Variants in TRAF3 observed in about 807,000 individuals in gnomAD.
The protein encoded by TRAF3 is TNF receptor-associated factor 3.
A neutral mutation model predicts 62.3 loss-of-function variants in TRAF3; 13 were observed. The ratio of observed to expected loss-of-function variants is 0.21; its 90% CI spans 0.14 to 0.33. TRAF3 has a LOEUF of 0.33. TRAF3 is among the 10% of genes least tolerant of loss of function. The pLI, the probability that TRAF3 is intolerant of heterozygous loss-of-function variation, is 1.00. For missense variants in TRAF3, 440 were observed against 741.8 expected (o/e 0.59, Z 4.73); for synonymous variants, 269 against 283.4 (o/e 0.95, Z 0.51).
intron 1 of TRAF3, among the ~76,000 whole-genome samples, chr14:102,779,482 C>G (rs1300962249): frequency 6.6e-6 from 1 of 152,084 alleles, no homozygotes; most frequent in Admixed American, 6.6e-5. Context: ...TATCCCTACT[C>G]TTGTTTGTGC....
At chr14:102,782,546 T>C (rs1897311422) in intron 1 of TRAF3, among the ~76,000 whole-genome samples, 1 of 152,126 alleles carries the variant, frequency 6.6e-6, no homozygotes, top group Non-Finnish European at 1.5e-5. Context: ...GCTCTAAAAT[T>C]TAAAAAAAGT....
chr14:102,886,678 C>T (rs1159214514), intron 7 of TRAF3, among the ~76,000 whole-genome samples: 2 of 152,050 alleles, frequency 1.3e-5, no homozygotes, highest in African/African-American at 4.8e-5. Context: ...ATCATTTGAA[C>T]CGGGGAGGCG....
chr14:102,827,988 A>G (rs1258794839), intron 1 of TRAF3, among the ~76,000 whole-genome samples: 1 of 152,242 alleles, frequency 6.6e-6, no homozygotes, highest in Non-Finnish European at 1.5e-5. Context: ...AGATGTGCAG[A>G]TTCCCGCAGG....
chr14:102,864,825 G>A (rs1157707458), intron 2 of TRAF3, among the ~76,000 whole-genome samples: 1 of 152,152 alleles, frequency 6.6e-6, no homozygotes, highest in Non-Finnish European at 1.5e-5. Context: ...GGAACCTGGG[G>A]CAGATTCGCC....
At chr14:102,778,398 C>G (rs187663223) in intron 1 of TRAF3, among the ~76,000 whole-genome samples, 28 of 152,242 alleles carry the variant, frequency 1.8e-4, no homozygotes, top group African/African-American at 6.7e-4. Flanking sequence ...GGAGATAATT[C>G]TGTGTGGAAA....
chr14:102,837,131 TGTGTGTGTGTG>T (rs370058434), intron 2 of TRAF3, among the ~76,000 whole-genome samples: 1,997 of 144,552 alleles, frequency 0.014, 23 homozygotes, highest in Middle Eastern at 0.052. Flanking sequence ...TGTGTGTGTG[TGTGTGTGTGTG>T]TTTTTTTTGG....
Position 102,903,500 on chromosome 14 carries a change from T to C in TRAF3, c.1135+71T>C. ...CGGGCGAGTGCTGGGGCGGGGTCCG[T>C]GGGATGAGGGCTATGTTAGGTACAT... On this transcript the variant is annotated intron_variant, in intron 11 of 11. Transcript: ENST00000392745. This position sits in a 1 kb window ranked among gnomAD's most constrained non-coding sequence, Gnocchi z 6.4. 1.9e-6 allele frequency: 3 copies of C among 1,601,980 alleles called. No individual in the cohort carries two copies. Among genetic ancestry groups the C allele is most frequent in the Non-Finnish European group, 1.7e-6 (2 of 1,172,698 alleles).
At chr14:102,868,624 G>A (rs1450593507) in intron 2 of TRAF3, among the ~76,000 whole-genome samples, 1 of 152,190 alleles carries the variant, frequency 6.6e-6, no homozygotes, top group Non-Finnish European at 1.5e-5. Context: ...CATTATGGAA[G>A]TGCATGGCCA....
At chr14:102,882,242 T>A (rs902132365) in intron 6 of TRAF3, among the ~76,000 whole-genome samples, 2 of 152,232 alleles carry the variant, frequency 1.3e-5, no homozygotes, top group African/African-American at 4.8e-5. Context: ...AAGCACAGAA[T>A]GATAATGAGT....
In TRAF3 at chr14:102,874,674, G is replaced by A. The variant is rs1888544588; in HGVS notation, c.298-950G>A. On this transcript the variant is annotated intron_variant, in intron 4 of 11. Coordinates refer to ENST00000392745, the MANE Select transcript of TRAF3 (RefSeq NM_145725.3). ...TCTTTTTTTTTTTTTTAAAGAAATGGGGGTCTCCCACTGTCGCCCAGTCTG... is the reference window on the plus strand; with the variant it reads ...TCTTTTTTTTTTTTTTAAAGAAATGAGGGTCTCCCACTGTCGCCCAGTCTG... 3.3e-5 allele frequency among the ~76,000 whole-genome samples: 5 copies of A among 151,266 alleles called. No individual in the cohort carries two copies. The South Asian group carries it at 1.0e-3, about 31-fold the overall frequency.
At chr14:102,825,295 A>C (rs916340129) in intron 1 of TRAF3, among the ~76,000 whole-genome samples, 3 of 152,206 alleles carry the variant, frequency 2.0e-5, no homozygotes, top group Admixed American at 6.5e-5. Flanking sequence ...AACTGGAGAC[A>C]GTAGGAAGCC....
chr14:102,792,109 T>C (rs4906264), intron 1 of TRAF3, among the ~76,000 whole-genome samples: 104,218 of 122,558 alleles, frequency 0.85, 44,726 homozygotes, highest in East Asian at 0.95. Flanking sequence ...CCACTGTGCC[T>C]GGACTTTTTT....
Position 102,890,402 on chromosome 14 carries a change from TTC to T in TRAF3, c.726+770_726+771del, listed in dbSNP as rs144578354. 7.0e-3 allele frequency among the ~76,000 whole-genome samples: 1,060 copies of T among 152,334 alleles called. 17 individuals carry two copies. Among genetic ancestry groups the T allele is most frequent in the African/African-American group, 0.024 (1,004 of 41,578 alleles). On this transcript the variant is annotated intron_variant, in intron 8 of 11. Coordinates refer to ENST00000392745, the MANE Select transcript of TRAF3 (RefSeq NM_145725.3). ...ACAGAGAGATTGGCATCTTAGTATT[TTC>T]TGAGGAAGAGAACAGCCAAAGAGTA...
At chr14:102,875,043 C>T (rs1888566965) in intron 4 of TRAF3, among the ~76,000 whole-genome samples, 1 of 152,230 alleles carries the variant, frequency 6.6e-6, no homozygotes, top group South Asian at 2.1e-4. Flanking sequence ...TTTTCAACCA[C>T]AGGCTAATGC....
intron 10 of TRAF3, among the ~76,000 whole-genome samples, chr14:102,897,861 G>A (rs1210256698): frequency 6.6e-6 from 1 of 152,234 alleles, no homozygotes; most frequent in Non-Finnish European, 1.5e-5. Flanking sequence ...AAATCCACAC[G>A]CACCTCCAGA....
intron 1 of TRAF3, among the ~76,000 whole-genome samples, chr14:102,815,708 G>A (rs1899477725): frequency 6.6e-6 from 1 of 152,214 alleles, no homozygotes; most frequent in African/African-American, 2.4e-5. Context: ...AAAGGAAAGA[G>A]GTTTAATTGA....
chr14:102,818,231 C>T (rs529943148), intron 1 of TRAF3, among the ~76,000 whole-genome samples: 1 of 152,100 alleles, frequency 6.6e-6, no homozygotes, highest in Non-Finnish European at 1.5e-5. Flanking sequence ...TGTTAGCCAA[C>T]CTTTTACAAT....
At chr14:102,828,878 C>T (rs79417094) in intron 1 of TRAF3, among the ~76,000 whole-genome samples, 323 of 151,892 alleles carry the variant, frequency 2.1e-3, no homozygotes, top group African/African-American at 7.1e-3. Flanking sequence ...AGAATATATT[C>T]ATTTCTTTAA....
chr14:102,873,452 A>G (rs1203050537), intron 4 of TRAF3, among the ~76,000 whole-genome samples: 2 of 152,176 alleles, frequency 1.3e-5, no homozygotes, highest in African/African-American at 4.8e-5. Flanking sequence ...GATGGCTGAG[A>G]TGTTTTTTTA....
Sources: gnomAD v4.1 joint callset for allele counts (sites outside exome capture counted in the v4.1 genomes callset) on GRCh38, gnomAD v4.1.1 for gene constraint, Gnocchi (gnomAD v3.1) non-coding constraint, MANE v1.5 for transcripts, NCBI Gene and HGNC (gene_info 2026-07-23, HGNC 2026-07-21) for gene names.